The following PCDHGA5 variants were observed in gnomAD, a reference collection of about 807,000 sequenced individuals.
PCDHGA5 encodes protocadherin gamma-A5.
A neutral mutation model predicts 56.7 loss-of-function variants in PCDHGA5; 36 were observed. The observed-to-expected ratio is 0.64, with a 90% confidence interval of 0.49 to 0.84. PCDHGA5 has a LOEUF of 0.84. PCDHGA5 is among the 40% of genes least tolerant of loss of function. PCDHGA5 has a pLI of 0.00. For missense variants in PCDHGA5, 1,305 were observed against 1,201.5 expected (o/e 1.09, Z -1.27); for synonymous variants, 563 against 520.2 (o/e 1.08, Z -1.12).
At chr5:141,492,191 G>A (rs996614987) in intron 1 of PCDHGA5, among the ~76,000 whole-genome samples, 1 of 152,204 alleles carries the variant, frequency 6.6e-6, no homozygotes, top group African/African-American at 2.4e-5. Context: ...ACCTGTCTGC[G>A]GGACTTAGGT....
intron 1 of PCDHGA5, chr5:141,398,849 T>G: frequency 6.2e-7 from 1 of 1,613,874 alleles, no homozygotes; most frequent in Admixed American, 1.7e-5. Flanking sequence ...AATCCCCCGG[T>G]ATTCAACCGA....
chr5:141,494,674 C>A lies in PCDHGA5; in HGVS notation c.2422-133C>A, dbSNP rs532644387. ...ATTTTGTCTTTGGAGATGAGTCCAC[C>A]CCTGCCCCCTCTTAGTCCGTTTTCT... is the stretch of plus-strand genomic sequence containing the variant. On this transcript the variant is annotated intron_variant, in intron 1 of 3. Transcript: ENST00000518069. 3.4e-5 allele frequency: 53 copies of A among 1,545,802 alleles called. No homozygotes were observed. In the African/African-American group the frequency reaches 6.5e-4, roughly 19 times the overall value.
At chr5:141,374,079 C>A in intron 1 of PCDHGA5, 2 of 1,518,304 alleles carry the variant, frequency 1.3e-6, no homozygotes, top group Non-Finnish European at 1.8e-6. Flanking sequence ...CCTAATAAGC[C>A]AGTAATGGCG....
Position 141,477,983 on chromosome 5 carries a change from C to T in PCDHGA5, c.2422-16824C>T. 1 of 1,614,126 alleles carries T rather than the reference C, an allele frequency of 6.2e-7. No individual in the cohort carries two copies. Among genetic ancestry groups the T allele is most frequent in the Non-Finnish European group, 8.5e-7 (1 of 1,180,024 alleles). ...TAACCAGAGCCTTTTTGCCATAGGGCTGCACACTGGTCAAATCAGTACTGC... is the reference window on the plus strand; with the variant it reads ...TAACCAGAGCCTTTTTGCCATAGGGTTGCACACTGGTCAAATCAGTACTGC... On this transcript the variant is annotated intron_variant, in intron 1 of 3. Coordinates refer to ENST00000518069, the MANE Select transcript of PCDHGA5 (RefSeq NM_018918.3). The surrounding 1 kb of genome is among the most constrained non-coding windows in gnomAD (Gnocchi z 4.9).
Position 141,364,256 on chromosome 5 carries a change from A to G in PCDHGA5, c.-75A>G, listed in dbSNP as rs949451057. On this transcript the variant is annotated 5_prime_UTR_variant, in exon 1 of 4. Transcript: ENST00000518069. ...CGCCCATTTTCGTCAGGGAATATGTACCCATCGGCTTTAGATAAATAAGGA... is the reference window on the plus strand; with the variant it reads ...CGCCCATTTTCGTCAGGGAATATGTGCCCATCGGCTTTAGATAAATAAGGA... 10 of 1,494,914 alleles carry G rather than the reference A, an allele frequency of 6.7e-6. No homozygotes were observed. Among genetic ancestry groups the G allele is most frequent in the Non-Finnish European group, 8.9e-6 (10 of 1,119,946 alleles). The allele number at this position is 1,494,914 out of a possible 1,614,324, so 92.6% of individuals were successfully genotyped here. A position where few individuals can be genotyped will look rare whatever the true frequency, so the allele number is the denominator to read the frequency against.
In PCDHGA5 at chr5:141,414,101, A is replaced by G. The variant is rs759223225; in HGVS notation, c.2421+47350A>G. On this transcript the variant is annotated intron_variant, in intron 1 of 3. Transcript: ENST00000518069. ...TATACTGGAGAAATAAAAATATCAG[A>G]AAATCTAGATTATGAAGAAACCGGT... 1.9e-6 allele frequency: 3 copies of G among 1,593,930 alleles called. No individual in the cohort carries two copies. The African/African-American group carries it at 4.0e-5, about 21-fold the overall frequency.
chr5:141,379,967 T>C (rs1362425240), intron 1 of PCDHGA5, among the ~76,000 whole-genome samples: 1 of 142,578 alleles, frequency 7.0e-6, no homozygotes, highest in Non-Finnish European at 1.5e-5. Context: ...TGGTGTGATC[T>C]CTGCTCACTG....
intron 1 of PCDHGA5, among the ~76,000 whole-genome samples, chr5:141,425,105 G>C (rs1227234896): frequency 2.0e-5 from 3 of 152,236 alleles, no homozygotes; most frequent in African/African-American, 7.2e-5. Flanking sequence ...TCCAACAGAT[G>C]CCTACATTTT....
chr5:141,474,654 T>C (rs2099352669), intron 1 of PCDHGA5, among the ~76,000 whole-genome samples: 1 of 152,250 alleles, frequency 6.6e-6, no homozygotes, highest in African/African-American at 2.4e-5. Context: ...CTTACTTCTT[T>C]TCTACCTACC....
At chr5:141,410,105 A>G in intron 1 of PCDHGA5, 1 of 1,612,376 alleles carries the variant, frequency 6.2e-7, no homozygotes, top group South Asian at 1.1e-5. Context: ...CTTAGGCGAC[A>G]GGGACGCAGC....
At chr5:141,413,873 G>A (rs544856148) in intron 1 of PCDHGA5, 4 of 1,613,372 alleles carry the variant, frequency 2.5e-6, no homozygotes, top group Admixed American at 1.7e-5. Context: ...GTCCTTGTCA[G>A]TGTGACTGTC....
intron 1 of PCDHGA5, among the ~76,000 whole-genome samples, chr5:141,462,035 C>G (rs35674654): frequency 2.0e-5 from 3 of 152,076 alleles, no homozygotes; most frequent in Non-Finnish European, 4.4e-5. Context: ...GTTGGTCAGG[C>G]GGGTCTTGAA....
In PCDHGA5 at chr5:141,375,718, C is replaced by A. The variant is rs888006407; in HGVS notation, c.2421+8967C>A. 9 of 1,614,152 alleles carry A rather than the reference C, an allele frequency of 5.6e-6. No homozygotes were observed. Among genetic ancestry groups the A allele is most frequent in the African/African-American group, 1.3e-5 (1 of 74,952 alleles). ...GCGGGGACCCGCCTCTTAGCAGCAA[C>A]GTGTCACTGAGCCTGTTTGTGCTGG... On this transcript the variant is annotated intron_variant, in intron 1 of 3. Transcript: ENST00000518069.
In PCDHGA5 at chr5:141,485,701, A is replaced by G. The variant is rs747748476; in HGVS notation, c.2422-9106A>G. The G allele has an allele frequency of 1.9e-6, 3 of 1,614,104 alleles. No homozygotes were observed. Among genetic ancestry groups the G allele is most frequent in the Non-Finnish European group, 2.5e-6 (3 of 1,180,010 alleles). On this transcript the variant is annotated intron_variant, in intron 1 of 3. Transcript: ENST00000518069. The surrounding 1 kb of genome is among the most constrained non-coding windows in gnomAD (Gnocchi z 5.7). ...GCAGCTATAGGCTGAGCTCCAATGAACACTTTGCACTGGATGTGAAGAAGC... is the reference window on the plus strand; with the variant it reads ...GCAGCTATAGGCTGAGCTCCAATGAGCACTTTGCACTGGATGTGAAGAAGC...
At chr5:141,505,567 T>A in intron 3 of PCDHGA5, 86 bp downstream of exon 3, 2 of 1,599,440 alleles carry the variant, frequency 1.3e-6, no homozygotes, top group Non-Finnish European at 1.7e-6. Context: ...ACGGACTGGA[T>A]GTCAAACCTG....
At chr5:141,420,311 T>C (rs762191274) in intron 1 of PCDHGA5, 102 of 1,454,698 alleles carry the variant, frequency 7.0e-5, no homozygotes, top group Non-Finnish European at 9.3e-5. Flanking sequence ...CTTTTTATAT[T>C]ACAATATGCC....
At chr5:141,382,900 A>T (rs564801333) in intron 1 of PCDHGA5, 4 of 1,542,372 alleles carry the variant, frequency 2.6e-6, no homozygotes, top group Admixed American at 4.2e-5. Context: ...CAGGACGACT[A>T]TGGCGGCTCA....
rs115808055 is a variant in PCDHGA5 at position 141,476,782 on chromosome 5, A to G, written c.2422-18025A>G. Reference sequence around the variant, plus strand: ...TGACGGCGTTGGACGGAGGGACCCCAGCTCTCTCCGCCAGCCTGCCTATTC... The same window carrying G: ...TGACGGCGTTGGACGGAGGGACCCCGGCTCTCTCCGCCAGCCTGCCTATTC... On this transcript the variant is annotated intron_variant, in intron 1 of 3. Transcript: ENST00000518069. This position sits in a 1 kb window ranked among gnomAD's most constrained non-coding sequence, Gnocchi z 7.6. 18,517 of 1,613,566 alleles carry G rather than the reference A, an allele frequency of 0.011. 139 individuals are homozygous for G. Among genetic ancestry groups the G allele is most frequent in the Non-Finnish European group, 0.014 (16,976 of 1,179,996 alleles).
At chr5:141,448,143 A>C (rs2098568288) in intron 1 of PCDHGA5, among the ~76,000 whole-genome samples, 1 of 152,012 alleles carries the variant, frequency 6.6e-6, no homozygotes, top group Admixed American at 6.6e-5. Context: ...ACTATACCTC[A>C]GACTCACCCC....
Sources: allele counts gnomAD v4.1 joint callset (sites outside exome capture counted in the v4.1 genomes callset), GRCh38; gene constraint gnomAD v4.1.1; non-coding constraint Gnocchi (gnomAD v3.1); transcripts MANE v1.5; gene names NCBI Gene and HGNC (gene_info 2026-07-23, HGNC 2026-07-21).